Variants in EYS observed in about 807,000 individuals in gnomAD.
EYS encodes the protein protein eyes shut homolog.
Under a neutral mutation model 282.1 loss-of-function variants are expected in EYS, and 250 were observed. That is an observed-to-expected ratio of 0.89 (90% CI 0.80 to 0.98). EYS has a LOEUF of 0.98. Among genes scored for constraint, EYS ranks in the 50% least tolerant of loss-of-function variants. EYS has a pLI of 0.00. For missense variants in EYS, 4,016 were observed against 3,709.0 expected, an observed-to-expected ratio of 1.08 and a Z score of -2.15; for synonymous variants, 1,355 against 1,282.9, an observed-to-expected ratio of 1.06 and a Z score of -1.20.
chr6:64,898,422 C>T (rs948264191), intron 18 of EYS, among the ~76,000 whole-genome samples: 1 of 152,022 alleles, frequency 6.6e-6, no homozygotes, highest in Admixed American at 6.6e-5. Flanking sequence ...TTGTCACCAC[C>T]AAGCCTGCCT....
chr6:64,968,671 T>C (rs1770183697), intron 14 of EYS, among the ~76,000 whole-genome samples: 1 of 152,174 alleles, frequency 6.6e-6, no homozygotes, highest in African/African-American at 2.4e-5. Flanking sequence ...CTGGATTGCC[T>C]ACTCCATGTT....
intron 31 of EYS, among the ~76,000 whole-genome samples, chr6:64,205,683 C>T (rs1472876913): frequency 1.3e-5 from 2 of 151,962 alleles, no homozygotes; most frequent in African/African-American, 2.4e-5. Context: ...CCAGGATATC[C>T]TGCTATTTCT....
intron 13 of EYS, among the ~76,000 whole-genome samples, chr6:65,013,587 T>G (rs1771949269): frequency 6.6e-6 from 1 of 152,118 alleles, no homozygotes; most frequent in Admixed American, 6.5e-5. Flanking sequence ...ACTTTAAATG[T>G]GGGTGAGGCT....
Position 65,230,570 on chromosome 6 carries a change from G to A in EYS, c.2023+65293C>T, listed in dbSNP as rs1052711277. ...GAAAAATTTACTGTCTTGGTTAAAT[G>A]CAATTATCAACAATGCAAAATTTAT... On this transcript the variant is annotated intron_variant, in intron 12 of 42. Transcript: ENST00000503581. Among the ~76,000 whole-genome samples, 4 of 151,842 alleles carry A rather than the reference G, an allele frequency of 2.6e-5. No homozygotes were observed. The South Asian group carries it at 8.3e-4, about 32-fold the overall frequency.
chr6:65,339,213 A>G (rs1332161246), intron 10 of EYS, among the ~76,000 whole-genome samples: 1 of 151,234 alleles, frequency 6.6e-6, no homozygotes, highest in Non-Finnish European at 1.5e-5. Flanking sequence ...AAAGTTAGAT[A>G]GGTAATTAAA....
intron 29 of EYS, among the ~76,000 whole-genome samples, chr6:64,330,763 G>A (rs537637143): frequency 1.3e-3 from 192 of 152,060 alleles, no homozygotes; most frequent in Admixed American, 1.2e-3. Context: ...AGGGGGTATC[G>A]CTTGCTTTCT....
intron 31 of EYS, among the ~76,000 whole-genome samples, chr6:64,136,898 A>C (rs1315446749): frequency 6.6e-6 from 1 of 152,202 alleles, no homozygotes; most frequent in Non-Finnish European, 1.5e-5. Flanking sequence ...AGATTCCCTA[A>C]CAAGAAAGTC....
At chr6:65,472,318 G>A (rs964098091) in intron 5 of EYS, among the ~76,000 whole-genome samples, 2 of 151,998 alleles carry the variant, frequency 1.3e-5, no homozygotes, top group African/African-American at 4.8e-5. Context: ...GCAGATCCAT[G>A]TTTTCTCTTG....
At chr6:63,755,633 G>C (rs188835249) in intron 41 of EYS, among the ~76,000 whole-genome samples, 281 of 152,256 alleles carry the variant, frequency 1.8e-3, no homozygotes, top group Non-Finnish European at 2.6e-3. Context: ...GGTTCCCTAT[G>C]ATATTTAAAG....
chr6:64,551,517 C>A (rs570540143), intron 26 of EYS, among the ~76,000 whole-genome samples: 1 of 150,978 alleles, frequency 6.6e-6, no homozygotes, highest in South Asian at 2.1e-4. Flanking sequence ...AGAGACCCCT[C>A]ATCTCAGCCA....
rs553148313 is a variant in EYS, at chr6:63,769,559, C to T, written c.7899-6926G>A. 3.9e-5 allele frequency among the ~76,000 whole-genome samples: 6 copies of T among 152,136 alleles called. No individual in the cohort carries two copies. In the South Asian group the frequency reaches 1.2e-3, roughly 32 times the overall value. ...GGGTTCTTCTGTCTCCAAACATAAACAGATGATAGCAGAGAATAAAATGTT... is the reference window on the plus strand; with the variant it reads ...GGGTTCTTCTGTCTCCAAACATAAATAGATGATAGCAGAGAATAAAATGTT... On this transcript the variant is annotated intron_variant, in intron 40 of 42. Coordinates refer to ENST00000503581, the MANE Select transcript of EYS (RefSeq NM_001142800.2).
intron 22 of EYS, among the ~76,000 whole-genome samples, chr6:64,742,903 C>G (rs1772422720): frequency 6.6e-6 from 1 of 152,010 alleles, no homozygotes; most frequent in African/African-American, 2.4e-5. Flanking sequence ...GTATGAAAGC[C>G]ACAAAATCAC....
chr6:64,996,639 A>G (rs1405330104), intron 14 of EYS, among the ~76,000 whole-genome samples: 1 of 150,974 alleles, frequency 6.6e-6, no homozygotes, highest in Admixed American at 6.6e-5. Context: ...CCTCTGGAGT[A>G]ACTCTGTTTC....
intron 26 of EYS, among the ~76,000 whole-genome samples, chr6:64,541,286 T>C (rs1394704604): frequency 1.3e-5 from 2 of 152,206 alleles, no homozygotes; most frequent in Admixed American, 6.5e-5. Context: ...CAGCTCTGTT[T>C]TGTATTTAGA....
intron 26 of EYS, among the ~76,000 whole-genome samples, chr6:64,490,375 A>G (rs1776700576): frequency 6.6e-6 from 1 of 150,982 alleles, no homozygotes; most frequent in African/African-American, 2.4e-5. Flanking sequence ...GGTAGTTAAA[A>G]GATAGAAGGT....
chr6:64,086,774 G>A (rs545928372), intron 31 of EYS, among the ~76,000 whole-genome samples: 2 of 152,252 alleles, frequency 1.3e-5, no homozygotes, highest in East Asian at 1.9e-4. Context: ...AGGCAGTGAA[G>A]TGACTTTAAT....
At chr6:64,856,063 C>T (rs1766048197) in intron 19 of EYS, among the ~76,000 whole-genome samples, 1 of 152,056 alleles carries the variant, frequency 6.6e-6, no homozygotes, top group Admixed American at 6.6e-5. Context: ...AATAAACCTG[C>T]TATGAACAAT....
intron 2 of EYS, among the ~76,000 whole-genome samples, chr6:65,579,449 C>G (rs950838950): frequency 6.6e-6 from 1 of 152,028 alleles, no homozygotes; most frequent in Non-Finnish European, 1.5e-5. Flanking sequence ...TTAGCCAGCT[C>G]GGCTGCCAAA....
intron 34 of EYS, among the ~76,000 whole-genome samples, chr6:63,991,763 C>A (rs1276364362): frequency 6.6e-6 from 1 of 151,508 alleles, no homozygotes; most frequent in Non-Finnish European, 1.5e-5. Flanking sequence ...CTGAAGTACT[C>A]CAACTGAAAT....
Sources: allele counts gnomAD v4.1 joint callset (sites outside exome capture counted in the v4.1 genomes callset), GRCh38; gene constraint gnomAD v4.1.1; transcripts MANE v1.5; gene names NCBI Gene and HGNC (gene_info 2026-07-23, HGNC 2026-07-21).